CTBP2: variants seen among roughly 807,000 people sequenced by gnomAD.
CTBP2 encodes the protein C-terminal-binding protein 2.
In CTBP2, 30 loss-of-function variants were observed where a neutral mutation model predicts 80.3. That is an observed-to-expected ratio of 0.37 (90% CI 0.28 to 0.51). The LOEUF is 0.51. Ranked by LOEUF, CTBP2 falls within the 20% of genes least tolerant of loss-of-function variation. The pLI is 0.93. For missense variants in CTBP2, 1,212 were observed against 1,375.3 expected (o/e 0.88, Z 1.88); for synonymous variants, 594 against 587.4 (o/e 1.01, Z -0.16).
chr10:125,159,128 T>C (rs1478626917), intron 1 of CTBP2, among the ~76,000 whole-genome samples: 1 of 150,380 alleles, frequency 6.6e-6, no homozygotes, highest in Non-Finnish European at 1.5e-5. Context: ...GAAAGGCGCT[T>C]CCCCTCGGCC....
chr10:125,028,695 G>A (rs1294185171), upstream of CTBP2, among the ~76,000 whole-genome samples: 1 of 152,228 alleles, frequency 6.6e-6, no homozygotes, highest in Non-Finnish European at 1.5e-5. Context: ...CTGCAACAGA[G>A]GTCACAGGAA....
At chr10:125,114,850 G>GC (rs891583892) in intron 1 of CTBP2, among the ~76,000 whole-genome samples, 5 of 134,248 alleles carry the variant, frequency 3.7e-5, no homozygotes, top group Admixed American at 8.8e-5. Flanking sequence ...ACCTGGCCTG[G>GC]CCCCCCCATG....
rs1404064181 is a variant in CTBP2, at chr10:125,159,486, C to CGCGGCAGTGGCGGCG, written c.-206+818_-206+832dup. Among the ~76,000 whole-genome samples the CGCGGCAGTGGCGGCG allele has an allele frequency of 2.7e-3, 402 of 147,118 alleles. 1 individual carries two copies. The highest frequency in any genetic ancestry group is 0.014 in the Middle Eastern group (4 of 290). ...CGCGACTTTGGCGGGCCGAGCCCCGCGCGGCAGTGGCGGCGGCGGCAGCGG... is the reference window on the plus strand; with the variant it reads ...CGCGACTTTGGCGGGCCGAGCCCCGCGCGGCAGTGGCGGCGGCGGCAGTGGCGGCGGCGGCAGCGG... On this transcript the variant is annotated intron_variant, in intron 1 of 10. Transcript: ENST00000337195.
intron 2 of CTBP2, among the ~76,000 whole-genome samples, chr10:125,075,063 G>A (rs1846073006): frequency 6.6e-6 from 1 of 152,192 alleles, no homozygotes; most frequent in Admixed American, 6.5e-5. Flanking sequence ...TAAGGATCTT[G>A]GGTAGACAAC....
intron 2 of CTBP2, among the ~76,000 whole-genome samples, chr10:125,059,529 C>T (rs948539184): frequency 2.6e-5 from 4 of 152,114 alleles, no homozygotes; most frequent in African/African-American, 9.7e-5. Flanking sequence ...TTGCAGTGAG[C>T]AGAGATTGCA....
intron 1 of CTBP2, among the ~76,000 whole-genome samples, chr10:125,126,235 T>C (rs1469175780): frequency 3.9e-5 from 6 of 152,216 alleles, no homozygotes; most frequent in South Asian, 2.1e-4. Context: ...GAAGCTCACC[T>C]GGCAGGGTCG....
chr10:125,137,158 A>G (rs902889125), intron 1 of CTBP2, among the ~76,000 whole-genome samples: 1 of 152,250 alleles, frequency 6.6e-6, no homozygotes, highest in African/African-American at 2.4e-5. Flanking sequence ...GAAAGCACCA[A>G]CAATTTCTGA....
intron 4 of CTBP2, 86 bp from the exon 7 acceptor site, chr10:124,994,769 G>C: frequency 2.2e-6 from 3 of 1,363,976 alleles, no homozygotes; most frequent in Non-Finnish European, 3.1e-6. Context: ...GCTGAGTCCG[G>C]GCTTGGCATC....
At chr10:125,149,293 G>A (rs1211003090) in intron 1 of CTBP2, among the ~76,000 whole-genome samples, 1 of 152,226 alleles carries the variant, frequency 6.6e-6, no homozygotes, top group Non-Finnish European at 1.5e-5. Flanking sequence ...CCTTCTCAGT[G>A]TCCCAGTGAG....
chr10:125,114,272 C>G (rs1287788381), intron 1 of CTBP2, among the ~76,000 whole-genome samples: 1 of 152,176 alleles, frequency 6.6e-6, no homozygotes, highest in African/African-American at 2.4e-5. Context: ...TCGGGCCAGA[C>G]AGGGGTCCTA....
intron 2 of CTBP2, among the ~76,000 whole-genome samples, chr10:125,072,634 GAAAAAAAAAA>G (rs55742060): frequency 3.0e-5 from 3 of 100,140 alleles, no homozygotes; most frequent in Admixed American, 1.1e-4. Context: ...AAAAAGAAAA[GAAAAAAAAAA>G]AAAAAAAAAA....
chr10:125,139,971 G>C (rs1857532845), intron 1 of CTBP2, among the ~76,000 whole-genome samples: 2 of 152,070 alleles, frequency 1.3e-5, no homozygotes, highest in African/African-American at 4.8e-5. Flanking sequence ...CTTCCACTCA[G>C]CGTCTAGCAC....
intron 2 of CTBP2, among the ~76,000 whole-genome samples, chr10:125,098,758 GA>G (rs1850118681): frequency 7.9e-6 from 1 of 127,278 alleles, no homozygotes; most frequent in African/African-American, 3.2e-5. Flanking sequence ...GACAGAGAGA[GA>G]GAGAGAGAGA....
At chr10:125,029,224 ATTTT>A (rs1057199711), upstream of CTBP2, among the ~76,000 whole-genome samples, 32 of 143,908 alleles carry the variant, frequency 2.2e-4, no homozygotes, top group African/African-American at 7.9e-4. Context: ...CAGTCTTTAA[ATTTT>A]TTTTTTTTGA....
At chr10:125,021,791 G>A (rs1053788293) in intron 1 of CTBP2, among the ~76,000 whole-genome samples, 6 of 152,190 alleles carry the variant, frequency 3.9e-5, no homozygotes, top group African/African-American at 1.2e-4. Context: ...GACTGATCAA[G>A]TACAAAAGCC....
At chr10:125,123,244 T>C (rs532969700) in intron 1 of CTBP2, among the ~76,000 whole-genome samples, 128 of 152,238 alleles carry the variant, frequency 8.4e-4, no homozygotes, top group Non-Finnish European at 1.5e-3. Context: ...CTTGGGCTGG[T>C]ACAAATAGAG....
rs941379026 is a variant in CTBP2, at chr10:124,987,098, T to C, written c.*2420A>G. ...AGACAGGAATGGGGCTCTAAATGGT[T>C]TTCATAGACTGGCTGTTAAAGGCCA... On this transcript the variant is annotated 3_prime_UTR_variant, in exon 9 of 9. Transcript: ENST00000309035. The C allele has an allele frequency of 2.0e-5, 3 of 152,616 alleles. No homozygotes were observed. In the East Asian group the frequency reaches 5.8e-4, roughly 29 times the overall value. The allele number at this position is 152,616 out of a possible 1,614,324, so 9.5% of individuals were successfully genotyped here.
chr10:125,003,608 A>G, intron 1 of CTBP2, 116 bp from the exon 4 acceptor site: 1 of 784,326 alleles, frequency 1.3e-6, no homozygotes, highest in South Asian at 2.2e-5. Context: ...AGGGTGGCGG[A>G]GCAGCGAGGG....
chr10:125,063,271 G>A (rs929997562), intron 2 of CTBP2, among the ~76,000 whole-genome samples: 3 of 152,220 alleles, frequency 2.0e-5, no homozygotes, highest in African/African-American at 7.2e-5. Context: ...AACAGCATGG[G>A]CGAATCGGTC....
Sources: gnomAD v4.1 joint callset for allele counts (sites outside exome capture counted in the v4.1 genomes callset) on GRCh38, gnomAD v4.1.1 for gene constraint, MANE v1.5 for transcripts, NCBI Gene and HGNC (gene_info 2026-07-23, HGNC 2026-07-21) for gene names.